MTCL3: variants seen among roughly 807,000 people sequenced by gnomAD.
MTCL3 encodes MTCL family member 3.
the MTCL3 span, among the ~76,000 whole-genome samples, chr6:127,490,305 T>C: frequency 6.6e-6 from 1 of 152,152 alleles, no homozygotes; most frequent in Non-Finnish European, 1.5e-5. Context: ...GGAGCTCTGA[T>C]GGAGATGTGC....
the MTCL3 span, chr6:127,514,721 C>A: frequency 1.1e-6 from 1 of 884,066 alleles, no homozygotes; most frequent in Non-Finnish European, 1.7e-6. Context: ...CCCTAAGGCT[C>A]CTTGCCAGTC....
At chr6:127,516,571 G>A in the MTCL3 span, 1 of 1,597,862 alleles carries the variant, frequency 6.3e-7, no homozygotes, top group Non-Finnish European at 8.5e-7. Flanking sequence ...GGGAGAAGCT[G>A]CTGCTGTGGC....
the MTCL3 span, among the ~76,000 whole-genome samples, chr6:127,483,337 A>T: frequency 2.0e-5 from 3 of 152,250 alleles, no homozygotes; most frequent in East Asian, 5.8e-4. Context: ...ACTGAAGGAA[A>T]AAAAGTAAGT....
At chr6:127,475,527 G>A in the MTCL3 span, 1 of 1,612,930 alleles carries the variant, frequency 6.2e-7, no homozygotes, top group African/African-American at 1.3e-5. The surrounding 1 kb of genome is among the most constrained non-coding windows in gnomAD (Gnocchi z 7.3). Flanking sequence ...TCGTGTCGGC[G>A]ATGAGCCGGT....
At chr6:127,490,985 G>A in the MTCL3 span, among the ~76,000 whole-genome samples, 2 of 152,226 alleles carry the variant, frequency 1.3e-5, no homozygotes, top group Non-Finnish European at 2.9e-5. Context: ...ACAATAGCAA[G>A]AGAACTAGAA....
the MTCL3 span, among the ~76,000 whole-genome samples, chr6:127,488,143 C>T: frequency 1.7e-3 from 252 of 152,234 alleles, no homozygotes; most frequent in Middle Eastern, 6.8e-3. Flanking sequence ...CAAGTATGCC[C>T]TTGTTTGGGG....
chr6:127,516,093 T>G, the MTCL3 span: 1 of 1,485,918 alleles, frequency 6.7e-7, no homozygotes, highest in Non-Finnish European at 8.9e-7. Flanking sequence ...CGCCGGCTCC[T>G]CCTCCTTCCC....
chr6:127,511,650 T>TCCCAG, the MTCL3 span, among the ~76,000 whole-genome samples: 3 of 152,228 alleles, frequency 2.0e-5, no homozygotes, highest in African/African-American at 7.2e-5. Flanking sequence ...GTCTCCATAT[T>TCCCAG]TTTCTACTAT....
the MTCL3 span, among the ~76,000 whole-genome samples, chr6:127,474,196 G>T: frequency 6.6e-6 from 1 of 151,902 alleles, no homozygotes; most frequent in East Asian, 1.9e-4. Context: ...TTTCCAGGGG[G>T]TTGTAGACAC....
At chr6:127,505,495 C>A in the MTCL3 span, among the ~76,000 whole-genome samples, 2 of 152,068 alleles carry the variant, frequency 1.3e-5, 1 homozygote, top group South Asian at 4.1e-4. Context: ...TGGAGGGGAA[C>A]AACACTCATT....
At chr6:127,507,993 C>A in the MTCL3 span, among the ~76,000 whole-genome samples, 1 of 151,802 alleles carries the variant, frequency 6.6e-6, no homozygotes, top group Non-Finnish European at 1.5e-5. Context: ...ATTCGACAAA[C>A]TATTGGCTCT....
chr6:127,497,891 A>G, the MTCL3 span, among the ~76,000 whole-genome samples: 1 of 152,348 alleles, frequency 6.6e-6, no homozygotes. Flanking sequence ...TTCGAGATCC[A>G]CATGCAAAAA....
the MTCL3 span, among the ~76,000 whole-genome samples, chr6:127,513,206 T>A: frequency 7.0e-4 from 106 of 152,334 alleles, no homozygotes; most frequent in Non-Finnish European, 1.3e-3. Flanking sequence ...GCCATTCACA[T>A]ATATCAATCG....
chr6:127,507,867 A>AG, the MTCL3 span, among the ~76,000 whole-genome samples: 1 of 150,252 alleles, frequency 6.7e-6, no homozygotes. Flanking sequence ...AAAAAAAAAA[A>AG]AAAGAAAAAA....
At chr6:127,516,198 C>A in the MTCL3 span, 1 of 1,433,688 alleles carries the variant, frequency 7.0e-7, no homozygotes, top group Non-Finnish European at 9.1e-7. Context: ...GCGGTCCGGG[C>A]CTCCTGCCGC....
At chr6:127,502,757 C>T in the MTCL3 span, among the ~76,000 whole-genome samples, 2 of 152,094 alleles carry the variant, frequency 1.3e-5, no homozygotes, top group African/African-American at 4.8e-5. Context: ...TTATAAAGCA[C>T]CTTCACATAT....
At chr6:127,475,242 T>C in the MTCL3 span, 12 of 1,524,892 alleles carry the variant, frequency 7.9e-6, no homozygotes, top group African/African-American at 1.4e-5. This position sits in a 1 kb window ranked among gnomAD's most constrained non-coding sequence, Gnocchi z 7.3. Context: ...GGGACGCGGC[T>C]CCACGGGCCA....
chr6:127,497,037 A>C, the MTCL3 span, among the ~76,000 whole-genome samples: 4 of 152,238 alleles, frequency 2.6e-5, no homozygotes, highest in African/African-American at 9.6e-5. Flanking sequence ...AATAGGAATT[A>C]ACAATAAATG....
chr6:127,489,097 C>G, the MTCL3 span, among the ~76,000 whole-genome samples: 2 of 152,146 alleles, frequency 1.3e-5, no homozygotes, highest in African/African-American at 4.8e-5. Flanking sequence ...CATTTTGTGT[C>G]TCTGTGTTAC....
Sources: gnomAD v4.1 joint callset for allele counts (sites outside exome capture counted in the v4.1 genomes callset) on GRCh38, gnomAD v4.1.1 for gene constraint, Gnocchi (gnomAD v3.1) non-coding constraint, MANE v1.5 for transcripts, NCBI Gene and HGNC (gene_info 2026-07-23, HGNC 2026-07-21) for gene names.